The following ELOVL6 variants were observed in gnomAD, a reference collection of about 807,000 sequenced individuals.
ELOVL6 encodes very long chain fatty acid elongase 6.
A neutral mutation model predicts 31.7 loss-of-function variants in ELOVL6; 8 were observed. The observed-to-expected ratio is 0.25, with a 90% CI of 0.15 to 0.45. ELOVL6 has a LOEUF of 0.45. ELOVL6 is among the 20% of genes least tolerant of loss of function. The pLI, the probability that ELOVL6 is intolerant of heterozygous loss-of-function variation, is 1.00. For synonymous variants in ELOVL6, 101 were observed against 117.7 expected (o/e 0.86, Z 0.92); for missense variants, 126 against 326.4 (o/e 0.39, Z 4.73).
chr4:110,084,525 TACACTTAC>T (rs1420973409), intron 2 of ELOVL6, among the ~76,000 whole-genome samples: 10 of 90,622 alleles, frequency 1.1e-4, no homozygotes, highest in African/African-American at 4.8e-4. Context: ...ATACATTATA[TACACTTAC>T]ACACACACAC....
intron 2 of ELOVL6, among the ~76,000 whole-genome samples, chr4:110,067,481 G>C (rs1755338164): frequency 6.6e-6 from 1 of 152,206 alleles, no homozygotes; most frequent in Non-Finnish European, 1.5e-5. Flanking sequence ...TTGACTTGCA[G>C]TTCCACAGGG....
chr4:110,085,569 G>A (rs1756238236), intron 2 of ELOVL6, among the ~76,000 whole-genome samples: 1 of 152,196 alleles, frequency 6.6e-6, no homozygotes, highest in South Asian at 2.1e-4. Context: ...GTTGTTCAAT[G>A]GGGACAGTTA....
chr4:110,088,176 C>G (rs746402146), intron 2 of ELOVL6, among the ~76,000 whole-genome samples: 1 of 152,166 alleles, frequency 6.6e-6, no homozygotes, highest in Non-Finnish European at 1.5e-5. Flanking sequence ...TGTGCACACA[C>G]AGAGTGTGTT....
At chr4:110,177,357 A>C (rs1335764719) in intron 1 of ELOVL6, among the ~76,000 whole-genome samples, 1 of 152,166 alleles carries the variant, frequency 6.6e-6, no homozygotes, top group Non-Finnish European at 1.5e-5. Flanking sequence ...GGATCATTTA[A>C]GCCCAGGAAT....
At chr4:110,083,021 T>C (rs1289076295) in intron 2 of ELOVL6, among the ~76,000 whole-genome samples, 6 of 151,770 alleles carry the variant, frequency 4.0e-5, no homozygotes, top group Non-Finnish European at 7.3e-5. Context: ...AACACAGGTA[T>C]CCTTTTAGGG....
At chr4:110,144,943 T>C (rs540900929) in intron 1 of ELOVL6, among the ~76,000 whole-genome samples, 11 of 152,224 alleles carry the variant, frequency 7.2e-5, no homozygotes, top group African/African-American at 2.6e-4. Flanking sequence ...TCTCTTTTTC[T>C]GGTCTGATTT....
At chr4:110,161,379 C>T (rs1397949336) in intron 1 of ELOVL6, among the ~76,000 whole-genome samples, 2 of 152,174 alleles carry the variant, frequency 1.3e-5, no homozygotes, top group African/African-American at 4.8e-5. Context: ...AATTCTCCTA[C>T]TTATGAAAAT....
chr4:110,186,066 T>A (rs1759428986), intron 1 of ELOVL6, among the ~76,000 whole-genome samples: 1 of 152,010 alleles, frequency 6.6e-6, no homozygotes, highest in African/African-American at 2.4e-5. Flanking sequence ...GGCAGGCACC[T>A]GTAGTCTCAG....
chr4:110,136,216 T>C (rs1341883559), intron 1 of ELOVL6, among the ~76,000 whole-genome samples: 1 of 152,192 alleles, frequency 6.6e-6, no homozygotes, highest in Non-Finnish European at 1.5e-5. Flanking sequence ...CTCAAATGTT[T>C]GCCCTTGAGT....
intron 2 of ELOVL6, among the ~76,000 whole-genome samples, chr4:110,077,915 C>T (rs1027563049): frequency 4.6e-5 from 7 of 152,160 alleles, no homozygotes. Context: ...GAGCTGAAAA[C>T]CAAGGCATGA....
chr4:110,094,128 A>AACAG (rs1578476011), intron 2 of ELOVL6, among the ~76,000 whole-genome samples: 1 of 151,702 alleles, frequency 6.6e-6, no homozygotes, highest in South Asian at 2.1e-4. Flanking sequence ...ATGCGTCTGT[A>AACAG]GTTCCAGCTA....
At chr4:110,153,855 G>GTAGTTTC (rs1196713689) in intron 1 of ELOVL6, among the ~76,000 whole-genome samples, 1 of 152,078 alleles carries the variant, frequency 6.6e-6, no homozygotes, top group African/African-American at 2.4e-5. Context: ...TTCTTACTTT[G>GTAGTTTC]TAGTTTCTAA....
intron 2 of ELOVL6, among the ~76,000 whole-genome samples, chr4:110,070,640 C>T (rs1462820986): frequency 6.6e-6 from 1 of 152,080 alleles, no homozygotes; most frequent in Non-Finnish European, 1.5e-5. Flanking sequence ...GAGGGGCCTG[C>T]TGGGAGGTGA....
intron 1 of ELOVL6, among the ~76,000 whole-genome samples, chr4:110,134,217 T>G (rs192862245): frequency 1.3e-5 from 2 of 152,196 alleles, no homozygotes; most frequent in East Asian, 3.9e-4. Context: ...ATTAGTGGAG[T>G]AGAAATATAT....
chr4:110,052,030 C>T (rs1384739937), intron 3 of ELOVL6, among the ~76,000 whole-genome samples: 1 of 152,306 alleles, frequency 6.6e-6, no homozygotes, highest in East Asian at 1.9e-4. Context: ...CAGCATGGCT[C>T]TCTTCACACA....
chr4:110,078,971 C>A (rs529805197), intron 2 of ELOVL6, among the ~76,000 whole-genome samples: 175 of 152,122 alleles, frequency 1.2e-3, no homozygotes, highest in African/African-American at 4.2e-3. Flanking sequence ...TTTAAGCCAA[C>A]AAAGATCAAA....
chr4:110,091,700 G>A (rs1054680866), intron 2 of ELOVL6, among the ~76,000 whole-genome samples: 2 of 152,044 alleles, frequency 1.3e-5, no homozygotes, highest in African/African-American at 4.8e-5. Flanking sequence ...TAATCACCCC[G>A]CATATCCATT....
At chr4:110,057,980 A>C (rs1382444728) in intron 3 of ELOVL6, among the ~76,000 whole-genome samples, 1 of 152,186 alleles carries the variant, frequency 6.6e-6, no homozygotes, top group African/African-American at 2.4e-5. Flanking sequence ...AAGCAAATTA[A>C]AATATTCTCA....
In ELOVL6 at chr4:110,191,414, GAGAA is replaced by G. The variant is rs575962843; in HGVS notation, c.89+6829_89+6832del. Among the ~76,000 whole-genome samples the G allele has an allele frequency of 4.6e-5, 7 of 152,286 alleles. No homozygotes were observed. The East Asian group carries it at 1.3e-3, about 29-fold the overall frequency. ...CTAAACCCTCCTAAAAAAGATAAAT[GAGAA>G]GTAAATGGGAGCGGGTGGATGTGAG... is the stretch of plus-strand genomic sequence containing the variant. On this transcript the variant is annotated intron_variant, in intron 1 of 3. Coordinates refer to ENST00000302274, the MANE Select transcript of ELOVL6 (RefSeq NM_024090.3).
Sources: allele counts gnomAD v4.1 joint callset (sites outside exome capture counted in the v4.1 genomes callset), GRCh38; gene constraint gnomAD v4.1.1; transcripts MANE v1.5; gene names NCBI Gene and HGNC (gene_info 2026-07-23, HGNC 2026-07-21).